The following DDAH1 variants were observed in gnomAD, a reference collection of about 807,000 sequenced individuals.
DDAH1 encodes dimethylarginine dimethylaminohydrolase 1, also known as N(G),N(G)-dimethylarginine dimethylaminohydrolase 1.
A neutral mutation model predicts 28.8 loss-of-function variants in DDAH1; 19 were observed. That is an observed-to-expected ratio of 0.66 (90% CI 0.46 to 0.97). The LOEUF is 0.97. DDAH1 is among the 50% of genes least tolerant of loss of function. The pLI is 0.00. For missense variants in DDAH1, 326 were observed against 375.9 expected (o/e 0.87, Z 1.10); for synonymous variants, 153 against 154.4 (o/e 0.99, Z 0.07).
chr1:85,537,483 A>G (rs2795986), intron 1 of DDAH1, among the ~76,000 whole-genome samples: 124,190 of 126,104 alleles, frequency 0.98, 61,201 homozygotes, highest in Middle Eastern at 1. Flanking sequence ...AAAAAAAAAG[A>G]TTGCTATCAC....
rs10489512 is a variant in DDAH1 at position 85,379,569 on chromosome 1, C to T, written c.304-20722G>A. 8.8e-3 allele frequency: 8,614 copies of T among 983,144 alleles called. 541 individuals carry two copies. The African/African-American group carries it at 0.14, about 16-fold the overall frequency. The allele number at this position is 983,144 out of a possible 1,614,324, so 60.9% of individuals were successfully genotyped here. On this transcript the variant is annotated intron_variant, in intron 1 of 5. Transcript: ENST00000284031. The stretch of plus-strand genomic sequence containing the variant: ...TTTCTACAGAAAGGAAACTGAGGCA[C>T]GGAACACTTACATAACTTGTGAAAG...
At chr1:85,410,242 C>A (rs1379089426) in intron 1 of DDAH1, among the ~76,000 whole-genome samples, 1 of 152,098 alleles carries the variant, frequency 6.6e-6, no homozygotes, top group Non-Finnish European at 1.5e-5. Context: ...GATCATGCCC[C>A]TATACTCCAG....
intron 1 of DDAH1, among the ~76,000 whole-genome samples, chr1:85,533,035 C>T (rs1321945382): frequency 6.6e-6 from 1 of 152,158 alleles, no homozygotes; most frequent in African/African-American, 2.4e-5. Context: ...TCATAGTTGT[C>T]ATTTCTAGGT....
intron 1 of DDAH1, among the ~76,000 whole-genome samples, chr1:85,433,328 A>G (rs1004586009): frequency 2.0e-5 from 3 of 152,102 alleles, no homozygotes; most frequent in African/African-American, 7.2e-5. Context: ...GGGCGAGGAG[A>G]CAGGGCTTTC....
At chr1:85,341,946 C>G (rs1648517070) in intron 4 of DDAH1, among the ~76,000 whole-genome samples, 1 of 152,146 alleles carries the variant, frequency 6.6e-6, no homozygotes, top group Non-Finnish European at 1.5e-5. Context: ...ACCACTAGTG[C>G]TTTATAATTA....
intron 1 of DDAH1, among the ~76,000 whole-genome samples, chr1:85,439,705 A>T (rs509361): frequency 6.6e-6 from 1 of 152,232 alleles, no homozygotes; most frequent in African/African-American, 2.4e-5. Context: ...TTGTGTGTCT[A>T]TTAGGACCCA....
chr1:85,432,235 C>T (rs764308360), intron 1 of DDAH1, among the ~76,000 whole-genome samples: 32 of 152,094 alleles, frequency 2.1e-4, no homozygotes, highest in Non-Finnish European at 1.3e-4. Context: ...ATCACCACAC[C>T]GGAACTCCTT....
At chr1:85,436,819 C>T (rs1317324176) in intron 1 of DDAH1, among the ~76,000 whole-genome samples, 1 of 152,186 alleles carries the variant, frequency 6.6e-6, no homozygotes, top group East Asian at 1.9e-4. Flanking sequence ...TTTTTGACAA[C>T]TCTCAGTTCT....
At chr1:85,381,933 T>C (rs1323849809) in intron 1 of DDAH1, among the ~76,000 whole-genome samples, 1 of 152,194 alleles carries the variant, frequency 6.6e-6, no homozygotes, top group South Asian at 2.1e-4. Flanking sequence ...TTTGTTTCCG[T>C]CACTCCCTCT....
At chr1:85,562,165 T>G (rs1437677822) in intron 1 of DDAH1, among the ~76,000 whole-genome samples, 1 of 152,004 alleles carries the variant, frequency 6.6e-6, no homozygotes, top group Non-Finnish European at 1.5e-5. Flanking sequence ...AAATATACAA[T>G]GGCTTTATTA....
intron 1 of DDAH1, chr1:85,379,759 T>G (rs1258290344): frequency 8.5e-6 from 8 of 939,578 alleles, no homozygotes; most frequent in African/African-American, 1.8e-5. Context: ...ACTCAGTTAA[T>G]GTCATCACTG....
chr1:85,341,761 C>T (rs940424096), intron 4 of DDAH1, among the ~76,000 whole-genome samples: 2 of 151,882 alleles, frequency 1.3e-5, no homozygotes, highest in African/African-American at 4.8e-5. Context: ...TGCAGAGAGC[C>T]GAGATCACGC....
At chr1:85,340,755 T>A (rs1648425959) in intron 4 of DDAH1, among the ~76,000 whole-genome samples, 1 of 151,806 alleles carries the variant, frequency 6.6e-6, no homozygotes, top group Non-Finnish European at 1.5e-5. Flanking sequence ...CTTCTACTCC[T>A]CTGCTAAAAA....
upstream of DDAH1, among the ~76,000 whole-genome samples, chr1:85,466,251 TTTG>T (rs963756325): frequency 5.3e-5 from 8 of 152,324 alleles, no homozygotes; most frequent in Admixed American, 4.6e-4. Flanking sequence ...TTTTTTGTTT[TTTG>T]TTGTTGTTTT....
At chr1:85,376,278 C>A (rs777678391) in intron 1 of DDAH1, among the ~76,000 whole-genome samples, 2 of 152,060 alleles carry the variant, frequency 1.3e-5, no homozygotes, top group Non-Finnish European at 2.9e-5. Flanking sequence ...TGAATAGATA[C>A]CGTATGGAAT....
At chr1:85,406,303 C>T (rs1245156974) in intron 1 of DDAH1, among the ~76,000 whole-genome samples, 1 of 152,112 alleles carries the variant, frequency 6.6e-6, no homozygotes, top group Non-Finnish European at 1.5e-5. Flanking sequence ...GAGAAGCTTT[C>T]CTCATCACTA....
intron 1 of DDAH1, among the ~76,000 whole-genome samples, chr1:85,389,325 T>C (rs141892274): frequency 1.3e-3 from 198 of 152,298 alleles, no homozygotes; most frequent in African/African-American, 4.5e-3. Context: ...TAAAATGATG[T>C]TTATAAAGCT....
intron 1 of DDAH1, among the ~76,000 whole-genome samples, chr1:85,371,727 G>C (rs1341556638): frequency 6.6e-6 from 1 of 152,180 alleles, no homozygotes; most frequent in African/African-American, 2.4e-5. Context: ...AAAGTTTGCT[G>C]TGCTAATTAA....
In DDAH1 at chr1:85,377,207, C is replaced by T. The variant is rs371165921; in HGVS notation, c.304-18360G>A. 4.6e-5 allele frequency among the ~76,000 whole-genome samples: 7 copies of T among 152,150 alleles called. No individual in the cohort carries two copies. In the East Asian group the frequency reaches 1.2e-3, roughly 25 times the overall value. ...ATTAGAACCCAAGTCCCCTTGTTTA[C>T]GGTTTAACAAGATTCCTGATAAACT... On this transcript the variant is annotated intron_variant, in intron 1 of 5. Transcript: ENST00000284031.
Sources: gnomAD v4.1 joint callset for allele counts (sites outside exome capture counted in the v4.1 genomes callset) on GRCh38, gnomAD v4.1.1 for gene constraint, MANE v1.5 for transcripts, NCBI Gene and HGNC (gene_info 2026-07-23, HGNC 2026-07-21) for gene names.